NEK4: variants seen among roughly 807,000 people sequenced by gnomAD.
NEK4 encodes NIMA related kinase 4, also known as serine/threonine-protein kinase Nek4.
In NEK4, 86 loss-of-function variants were observed where a neutral mutation model predicts 98.4. The observed-to-expected ratio is 0.87, with a 90% CI of 0.73 to 1.05. The LOEUF is 1.05. Among genes scored for constraint, NEK4 ranks in the 50% least tolerant of loss-of-function variants. The pLI is 0.00. For missense variants in NEK4, 898 were observed against 950.3 expected (o/e 0.94, Z 0.72); for synonymous variants, 328 against 342.2 (o/e 0.96, Z 0.46).
At chr3:52,723,378 G>T (rs560951224) in intron 15 of NEK4, among the ~76,000 whole-genome samples, 118 of 152,184 alleles carry the variant, frequency 7.8e-4, no homozygotes, top group African/African-American at 2.6e-3. Flanking sequence ...CTCCTGAGTA[G>T]CTGGAATTAC....
intron 6 of NEK4, chr3:52,754,355 C>T: frequency 2.4e-6 from 1 of 422,214 alleles, no homozygotes; most frequent in South Asian, 2.0e-5. Flanking sequence ...CAAGTACTAA[C>T]AATATGCAGG....
At chr3:52,725,900 A>C (rs1186908638) in intron 15 of NEK4, among the ~76,000 whole-genome samples, 1 of 152,184 alleles carries the variant, frequency 6.6e-6, no homozygotes, top group Non-Finnish European at 1.5e-5. Context: ...TAAATGGATT[A>C]AACTCTCCAA....
At chr3:52,742,620 C>G (rs942391371) in intron 12 of NEK4, among the ~76,000 whole-genome samples, 6 of 152,054 alleles carry the variant, frequency 3.9e-5, no homozygotes, top group South Asian at 2.1e-4. Context: ...GTCCCTACAT[C>G]ATCTACAGGC....
chr3:52,766,418 A>T (rs181176556), intron 2 of NEK4, 43 bp from the exon 3 acceptor site: 1 of 1,393,220 alleles, frequency 7.2e-7, no homozygotes, highest in Admixed American at 1.7e-5. Flanking sequence ...AATAGACTTA[A>T]TTATGTATTT....
At position 52,746,814 on chromosome 3, in the gene NEK4, A is replaced by G. The variant is rs2154104550; in HGVS notation, c.1597T>C (p.Ser533Pro). 1 of 1,614,100 alleles carries G rather than the reference A, an allele frequency of 6.2e-7. No homozygotes were observed. The highest frequency in any genetic ancestry group is 1.1e-5 in the South Asian group (1 of 91,080). ...PHNSGSEPSLSRQRRQKRREQ... is the reference protein window; with the variant it reads ...PHNSGSEPSLPRQRRQKRREQ... ...CTCCTCTTTTGCCGTCGCTGTCGAG[A>G]CAGGGAAGGTTCAGACCCAGAGTTG... Residue 533 changes from serine to proline, a missense_variant, in exon 9 of 16, where the codon TCT becomes CCT. Transcript: ENST00000233027.
chr3:52,730,700 T>A (rs748789505), intron 15 of NEK4, among the ~76,000 whole-genome samples: 2 of 152,242 alleles, frequency 1.3e-5, no homozygotes, highest in Non-Finnish European at 2.9e-5. Context: ...TGGAAGACTT[T>A]ATGCAGGATT....
At chr3:52,745,625 C>T (rs1302893286) in intron 10 of NEK4, among the ~76,000 whole-genome samples, 1 of 152,006 alleles carries the variant, frequency 6.6e-6, no homozygotes, top group South Asian at 2.1e-4. Context: ...CCCATCTGTT[C>T]CTTCCAGTGT....
chr3:52,768,895 T>G (rs1010029383), intron 1 of NEK4, among the ~76,000 whole-genome samples: 1 of 152,178 alleles, frequency 6.6e-6, no homozygotes, highest in Non-Finnish European at 1.5e-5. Context: ...TAACATACCA[T>G]TGGATCAATT....
At chr3:52,738,249 G>A (rs1354726542) in intron 14 of NEK4, among the ~76,000 whole-genome samples, 1 of 151,918 alleles carries the variant, frequency 6.6e-6, no homozygotes, top group South Asian at 2.1e-4. Context: ...CAGAACTACA[G>A]GAATGCACTA....
At position 52,709,256 on chromosome 3, in the gene NEK4, G is replaced by A. The variant is rs2097347905; in HGVS notation, c.*2521C>T. ...AGTAACACATCAAAGTCTCTGAACTGTGGCCAAAGGTATATTCGGAAGAAA... is the reference window on the plus strand; with the variant it reads ...AGTAACACATCAAAGTCTCTGAACTATGGCCAAAGGTATATTCGGAAGAAA... On this transcript the variant is annotated 3_prime_UTR_variant, in exon 16 of 16. Transcript: ENST00000233027. 1 of 151,810 alleles carries A rather than the reference G, an allele frequency of 6.6e-6. No individual in the cohort carries two copies. The highest frequency in any genetic ancestry group is 2.4e-5 in the African/African-American group (1 of 41,316). The allele number at this position is 151,810 out of a possible 1,614,324, so 9.4% of individuals were successfully genotyped here.
intron 14 of NEK4, among the ~76,000 whole-genome samples, chr3:52,738,376 T>C (rs966241531): frequency 1.3e-5 from 2 of 151,628 alleles, no homozygotes; most frequent in African/African-American, 2.4e-5. Flanking sequence ...GCAATGAGAT[T>C]ACAGGCATGA....
At chr3:52,754,999 G>A (rs1376112352) in intron 6 of NEK4, among the ~76,000 whole-genome samples, 6 of 151,136 alleles carry the variant, frequency 4.0e-5, no homozygotes, top group Non-Finnish European at 5.9e-5. Flanking sequence ...GCGTGAACCC[G>A]GGAGGCAGAG....
In NEK4 at chr3:52,766,083, C is replaced by G. The variant is rs1032800833; in HGVS notation, c.559-89G>C. On this transcript the variant is annotated intron_variant, in intron 3 of 15. Coordinates refer to ENST00000233027, the MANE Select transcript of NEK4 (RefSeq NM_003157.6). ...AAAAAAAGAAAACATTTTCCTTAAA[C>G]CAATTCATAGATAATTCTCTGACTT... 4.1e-6 allele frequency: 6 copies of G among 1,450,310 alleles called. No individual in the cohort carries two copies. In the Admixed American group the frequency reaches 1.1e-4, roughly 27 times the overall value. The allele number at this position is 1,450,310 out of a possible 1,614,324, so 89.8% of individuals were successfully genotyped here. A position where few individuals can be genotyped will look rare whatever the true frequency, so the allele number is the denominator to read the frequency against.
intron 1 of NEK4, 102 bp from the exon 2 acceptor site, chr3:52,768,706 G>T: frequency 9.9e-7 from 1 of 1,009,424 alleles, no homozygotes; most frequent in Non-Finnish European, 1.5e-6. Context: ...AACCAACCTT[G>T]TGGAGCCTGT....
chr3:52,752,837 T>C (rs2097407573), intron 6 of NEK4, among the ~76,000 whole-genome samples: 2 of 143,930 alleles, frequency 1.4e-5, no homozygotes, highest in Non-Finnish European at 3.0e-5. Flanking sequence ...GAGGCGGAGG[T>C]TGTAGTGAGC....
chr3:52,718,915 G>A (rs1010748488), intron 15 of NEK4, among the ~76,000 whole-genome samples: 2 of 152,114 alleles, frequency 1.3e-5, no homozygotes, highest in African/African-American at 2.4e-5. Context: ...GCCCCACCAC[G>A]CCTGGCTAAT....
chr3:52,727,853 T>TA (rs372802598), intron 15 of NEK4, among the ~76,000 whole-genome samples: 1 of 151,756 alleles, frequency 6.6e-6, no homozygotes, highest in Non-Finnish European at 1.5e-5. Context: ...CAAATGAAAA[T>TA]AAAAAACAAT....
chr3:52,743,273 C>A, intron 12 of NEK4, 79 bp downstream of exon 12: 1 of 1,066,740 alleles, frequency 9.4e-7, no homozygotes, highest in Non-Finnish European at 1.4e-6. Flanking sequence ...ATAAATGGAG[C>A]TGACATTTAA....
At chr3:52,741,051 G>A (rs755525510) in intron 13 of NEK4, among the ~76,000 whole-genome samples, 5 of 151,724 alleles carry the variant, frequency 3.3e-5, no homozygotes, top group African/African-American at 4.8e-5. Flanking sequence ...TGGCTAACAC[G>A]GTGAAACGCC....
Sources: allele counts gnomAD v4.1 joint callset (sites outside exome capture counted in the v4.1 genomes callset), GRCh38; gene constraint gnomAD v4.1.1; transcripts MANE v1.5; gene names NCBI Gene and HGNC (gene_info 2026-07-23, HGNC 2026-07-21).